TUSC3: variants seen among roughly 807,000 people sequenced by gnomAD.
TUSC3 encodes tumor suppressor candidate 3.
A neutral mutation model predicts 44.8 loss-of-function variants in TUSC3; 45 were observed. The observed-to-expected ratio is 1.00, with a 90% CI of 0.79 to 1.29. The LOEUF (loss-of-function observed/expected upper bound fraction) is 1.29. Among genes scored for constraint, TUSC3 ranks in the 50% most tolerant of loss-of-function variants. The pLI, the probability that TUSC3 is intolerant of heterozygous loss-of-function variation, is 0.00. For missense variants in TUSC3, 519 were observed against 437.9 expected, an observed-to-expected ratio of 1.19 and a Z score of -1.65; for synonymous variants, 212 against 152.9, an observed-to-expected ratio of 1.39 and a Z score of -2.85.
At chr8:15,606,060 AAC>A (rs1302377483) in intron 1 of TUSC3, among the ~76,000 whole-genome samples, 2 of 151,996 alleles carry the variant, frequency 1.3e-5, no homozygotes, top group Non-Finnish European at 2.9e-5. Flanking sequence ...AACCTTGAAT[AAC>A]ACCATGGGAC....
At chr8:15,741,078 A>G (rs753599902) in intron 7 of TUSC3, among the ~76,000 whole-genome samples, 14 of 152,286 alleles carry the variant, frequency 9.2e-5, no homozygotes, top group Admixed American at 2.0e-4. Context: ...TACTTGGGTG[A>G]CCATAATTAA....
intron 6 of TUSC3, among the ~76,000 whole-genome samples, chr8:15,723,522 C>G (rs1810385530): frequency 6.6e-6 from 1 of 152,118 alleles, no homozygotes; most frequent in Non-Finnish European, 1.5e-5. Flanking sequence ...GATAATACCT[C>G]TTTATATCTC....
At chr8:15,480,433 T>G (rs575071483) in intron 1 of TUSC3, among the ~76,000 whole-genome samples, 1 of 152,210 alleles carries the variant, frequency 6.6e-6, no homozygotes, top group Non-Finnish European at 1.5e-5. Flanking sequence ...ATAGATTTAG[T>G]GGTTTAAACA....
At chr8:15,572,534 T>G (rs1018663641) in intron 1 of TUSC3, among the ~76,000 whole-genome samples, 2 of 152,172 alleles carry the variant, frequency 1.3e-5, no homozygotes, top group African/African-American at 4.8e-5. Context: ...AGTAGCACTT[T>G]AAATTTCCTT....
At chr8:15,582,801 C>T (rs953880255) in intron 1 of TUSC3, among the ~76,000 whole-genome samples, 3 of 152,232 alleles carry the variant, frequency 2.0e-5, no homozygotes, top group South Asian at 4.1e-4. Flanking sequence ...GTTACAGTCA[C>T]TCACCACCTC....
chr8:15,479,161 TC>T (rs1397988656), intron 1 of TUSC3, among the ~76,000 whole-genome samples: 1 of 152,192 alleles, frequency 6.6e-6, no homozygotes, highest in Non-Finnish European at 1.5e-5. Context: ...TTGTTTAAGT[TC>T]TTTGTAGATT....
At chr8:15,839,518 C>G in the TUSC3 span, among the ~76,000 whole-genome samples, 1 of 144,272 alleles carries the variant, frequency 6.9e-6, no homozygotes, top group African/African-American at 2.5e-5. Context: ...AGAACTCAAA[C>G]AAATTTACAA....
At chr8:15,477,080 G>T (rs1291464691) in intron 1 of TUSC3, among the ~76,000 whole-genome samples, 2 of 152,150 alleles carry the variant, frequency 1.3e-5, no homozygotes, top group African/African-American at 4.8e-5. Flanking sequence ...GAAAGGGTGG[G>T]TTGCAAAGGA....
At chr8:15,462,804 C>T (rs1257883337) in intron 1 of TUSC3, among the ~76,000 whole-genome samples, 2 of 152,046 alleles carry the variant, frequency 1.3e-5, no homozygotes, top group Non-Finnish European at 2.9e-5. Context: ...CAACAGTGAG[C>T]AGAAAGGATG....
At chr8:15,456,291 T>A (rs1349147986) in intron 1 of TUSC3, among the ~76,000 whole-genome samples, 3 of 152,232 alleles carry the variant, frequency 2.0e-5, no homozygotes, top group Non-Finnish European at 4.4e-5. Context: ...GAATTGATTT[T>A]GTTTGTGCAA....
At chr8:15,789,464 G>A in the TUSC3 span, among the ~76,000 whole-genome samples, 2 of 152,126 alleles carry the variant, frequency 1.3e-5, no homozygotes, top group African/African-American at 4.8e-5. Context: ...TTAAGAGACA[G>A]CTCACAAGAT....
chr8:15,489,960 A>G (rs1307666112), intron 2 of TUSC3, among the ~76,000 whole-genome samples: 7 of 152,196 alleles, frequency 4.6e-5, no homozygotes, highest in Non-Finnish European at 7.3e-5. Flanking sequence ...AAGTTTTGTA[A>G]TTCTGTTGGT....
In TUSC3 at chr8:15,670,478, C is replaced by T. The variant is rs144610547; in HGVS notation, c.709-3269C>T. Among the ~76,000 whole-genome samples the T allele has an allele frequency of 1.4e-3, 214 of 151,812 alleles. 1 individual carries two copies. The highest frequency in any genetic ancestry group is 2.6e-3 in the Admixed American group (39 of 15,176). On this transcript the variant is annotated intron_variant, in intron 5 of 10. Coordinates refer to ENST00000503731, the MANE Select transcript of TUSC3 (RefSeq NM_006765.4). ...GCATTTTTGATAAATATTGCCGAGC[C>T]AACTGGATATCCATATGGGAAAAAG...
chr8:15,481,812 A>G (rs62501894), intron 1 of TUSC3, among the ~76,000 whole-genome samples: 1 of 152,182 alleles, frequency 6.6e-6, no homozygotes, highest in Non-Finnish European at 1.5e-5. Context: ...TCTGGCCTTG[A>G]TGTTAATGGA....
chr8:15,806,856 T>G, the TUSC3 span: 1 of 1,057,284 alleles, frequency 9.5e-7, no homozygotes, highest in Non-Finnish European at 1.5e-6. Flanking sequence ...AGAGTCTTCA[T>G]AGTTAATGAA....
chr8:15,419,002 C>G (rs1799692733), intron 1 of TUSC3, among the ~76,000 whole-genome samples: 1 of 152,082 alleles, frequency 6.6e-6, no homozygotes, highest in South Asian at 2.1e-4. Flanking sequence ...AAGACCCTCT[C>G]TCTTAAGGAA....
At chr8:15,810,652 G>A in the TUSC3 span, among the ~76,000 whole-genome samples, 1 of 151,652 alleles carries the variant, frequency 6.6e-6, no homozygotes, top group South Asian at 2.1e-4. Context: ...CCAAGGAGGG[G>A]GGGCGGGAAA....
At chr8:15,789,628 G>A in the TUSC3 span, among the ~76,000 whole-genome samples, 1 of 151,536 alleles carries the variant, frequency 6.6e-6, no homozygotes, top group African/African-American at 2.4e-5. Flanking sequence ...ATATATTTGT[G>A]TATGCAGATA....
At chr8:15,822,069 T>G in the TUSC3 span, among the ~76,000 whole-genome samples, 1 of 152,082 alleles carries the variant, frequency 6.6e-6, no homozygotes, top group African/African-American at 2.4e-5. Flanking sequence ...AAGTTTCTGG[T>G]GAATCAGATA....
Sources: gnomAD v4.1 joint callset for allele counts (sites outside exome capture counted in the v4.1 genomes callset) on GRCh38, gnomAD v4.1.1 for gene constraint, MANE v1.5 for transcripts, NCBI Gene and HGNC (gene_info 2026-07-23, HGNC 2026-07-21) for gene names.